The following DOCK10 variants were observed in gnomAD, a reference collection of about 807,000 sequenced individuals.
The protein encoded by DOCK10 is dedicator of cytokinesis 10, also known as dedicator of cytokinesis protein 10.
In DOCK10, 145 loss-of-function variants were observed where a neutral mutation model predicts 280.1. The ratio of observed to expected loss-of-function variants is 0.52; its 90% CI spans 0.45 to 0.59. DOCK10 has a LOEUF of 0.59. Ranked by LOEUF, DOCK10 falls within the 20% of genes least tolerant of loss-of-function variation. DOCK10 has a pLI of 0.00. For synonymous variants in DOCK10, 915 were observed against 942.2 expected, an observed-to-expected ratio of 0.97 and a Z score of 0.53; for missense variants, 2,368 against 2,651.7, an observed-to-expected ratio of 0.89 and a Z score of 2.35.
intron 48 of DOCK10, 55 bp downstream of exon 48, chr2:224,789,009 C>G (rs1035280425): frequency 4.6e-6 from 5 of 1,095,992 alleles, no homozygotes; most frequent in Non-Finnish European, 6.8e-6. Context: ...CTTAATGTCA[C>G]AAGCCAATGC....
At chr2:224,769,040 C>T (rs1414465353) in intron 55 of DOCK10, 8 of 410,080 alleles carry the variant, frequency 2.0e-5, no homozygotes, top group Non-Finnish European at 2.9e-5. Flanking sequence ...ACCACCTTCC[C>T]GAACTTTCAG....
intron 1 of DOCK10, among the ~76,000 whole-genome samples, chr2:224,952,592 A>AT (rs869058280): frequency 0.031 from 4,469 of 143,492 alleles, 227 homozygotes; most frequent in African/African-American, 0.1. Context: ...CAATTATGTT[A>AT]TTTTTTTTTT....
chr2:224,992,349 A>G (rs1706150776), intron 1 of DOCK10, among the ~76,000 whole-genome samples: 1 of 152,220 alleles, frequency 6.6e-6, no homozygotes. Flanking sequence ...GCAGTCTTTA[A>G]AGTCATTTAC....
chr2:225,041,445 C>T (rs915826467), intron 1 of DOCK10, among the ~76,000 whole-genome samples: 2 of 152,188 alleles, frequency 1.3e-5, no homozygotes, highest in African/African-American at 4.8e-5. Context: ...AACGCAGGAA[C>T]ATCTGGGTTG....
intron 1 of DOCK10, among the ~76,000 whole-genome samples, chr2:225,035,564 A>ATTATAT: frequency 3.6e-5 from 2 of 55,656 alleles, no homozygotes; most frequent in Middle Eastern, 9.1e-3. Flanking sequence ...ATATATATAT[A>ATTATAT]TATATATATA....
intron 1 of DOCK10, among the ~76,000 whole-genome samples, chr2:225,029,824 T>A (rs1690027594): frequency 6.6e-6 from 1 of 152,028 alleles, no homozygotes; most frequent in Non-Finnish European, 1.5e-5. Context: ...ACTATTATTG[T>A]AATAAAACTC....
chr2:224,807,095 T>A (rs1388756938), intron 33 of DOCK10: 1 of 152,160 alleles, frequency 6.6e-6, no homozygotes, highest in Non-Finnish European at 1.5e-5. Context: ...CTGATACTGC[T>A]GGGATTTGAA....
chr2:225,030,275 ACT>A (rs1375215377), intron 1 of DOCK10, among the ~76,000 whole-genome samples: 1 of 151,986 alleles, frequency 6.6e-6, no homozygotes, highest in Non-Finnish European at 1.5e-5. Context: ...TGTCATGAAA[ACT>A]CTCTAACATC....
At chr2:224,909,445 A>C (rs888170258) in intron 3 of DOCK10, among the ~76,000 whole-genome samples, 8 of 152,210 alleles carry the variant, frequency 5.3e-5, no homozygotes, top group South Asian at 4.1e-4. Flanking sequence ...TCCCTATTTA[A>C]AGATGGAAAA....
At chr2:224,785,312 T>G (rs1454896214) in intron 50 of DOCK10, among the ~76,000 whole-genome samples, 1 of 152,054 alleles carries the variant, frequency 6.6e-6, no homozygotes, top group Non-Finnish European at 1.5e-5. Flanking sequence ...TGGTATAGAT[T>G]GTTTATGCAG....
chr2:224,983,986 A>C (rs565498259), intron 1 of DOCK10, among the ~76,000 whole-genome samples: 22 of 152,234 alleles, frequency 1.4e-4, no homozygotes, highest in African/African-American at 4.1e-4. Flanking sequence ...TTGAATATCT[A>C]TATCTAATGG....
chr2:224,894,653 G>A lies in DOCK10; in HGVS notation c.416+1642C>T, dbSNP rs1046093843. ...ACCTTCCCAACATGAAGTTGCAAGAGCTTGTCTATCAGCAGGGATTCAAGT... is the reference window on the plus strand; with the variant it reads ...ACCTTCCCAACATGAAGTTGCAAGAACTTGTCTATCAGCAGGGATTCAAGT... On this transcript the variant is annotated intron_variant, in intron 4 of 55. Transcript: ENST00000258390. 3.9e-5 allele frequency among the ~76,000 whole-genome samples: 6 copies of A among 152,324 alleles called. No individual in the cohort carries two copies. The East Asian group carries it at 1.2e-3, about 29-fold the overall frequency.
intron 2 of DOCK10, among the ~76,000 whole-genome samples, chr2:224,928,363 T>C (rs1432428443): frequency 1.3e-5 from 2 of 152,204 alleles, no homozygotes; most frequent in African/African-American, 4.8e-5. Context: ...TGACAAGAGG[T>C]CAAGGAATGG....
rs768359367 is a variant in DOCK10 at position 224,795,023 on chromosome 2, C to T, written c.5010G>A (p.Gln1670=). The change falls in exon 45 of 56, where the codon CAG becomes CAA. Residue 1670 remains glutamine, a synonymous_variant. Transcript: ENST00000258390. ...CGGGGTCCTTCTCGTGCTCCTTCAT[C>T]TGAGCTGTGGCCATCAAAACAGTCC... The part of the protein sequence containing the change: ...RIRTVLMATA[Q]MKEHEKDPEM... The T allele has an allele frequency of 6.2e-7, 1 of 1,613,968 alleles. No homozygotes were observed.
chr2:224,852,369 T>G lies in DOCK10; in HGVS notation c.2142+8A>C, dbSNP rs1323893188. On this transcript the variant is annotated splice_region_variant and intron_variant, in intron 18 of 55. Transcript: ENST00000258390. Reference sequence around the variant, plus strand: ...TTTATGCTGGGTCCCTTTGCTGACTTGGCTCACCTTCAGGGGCTTGGCACT... The same window carrying G: ...TTTATGCTGGGTCCCTTTGCTGACTGGGCTCACCTTCAGGGGCTTGGCACT... The G allele has an allele frequency of 6.4e-7, 1 of 1,566,582 alleles. No individual in the cohort carries two copies. The highest frequency in any genetic ancestry group is 1.2e-5 in the South Asian group (1 of 84,924).
At chr2:224,961,241 A>G (rs1704365272) in intron 1 of DOCK10, among the ~76,000 whole-genome samples, 1 of 152,186 alleles carries the variant, frequency 6.6e-6, no homozygotes, top group Non-Finnish European at 1.5e-5. Context: ...GAGATTTACA[A>G]TGGCAACTAA....
intron 2 of DOCK10, 131 bp downstream of exon 2, chr2:224,931,418 A>ACT (rs1472029291): frequency 9.7e-7 from 1 of 1,031,918 alleles, no homozygotes; most frequent in African/African-American, 1.6e-5. Flanking sequence ...TAGGATGTGA[A>ACT]CTCCTGCTGC....
At chr2:225,021,602 C>T (rs1026274448) in intron 1 of DOCK10, among the ~76,000 whole-genome samples, 1 of 152,198 alleles carries the variant, frequency 6.6e-6, no homozygotes, top group Non-Finnish European at 1.5e-5. Flanking sequence ...TGAGTACTTG[C>T]AGCAGGTTCC....
intron 1 of DOCK10, among the ~76,000 whole-genome samples, chr2:224,969,211 A>C (rs910148938): frequency 6.6e-6 from 1 of 152,040 alleles, no homozygotes; most frequent in Non-Finnish European, 1.5e-5. Context: ...TTACTTTTTA[A>C]CTCACTCAGT....
Sources: gnomAD v4.1 joint callset for allele counts (sites outside exome capture counted in the v4.1 genomes callset) on GRCh38, gnomAD v4.1.1 for gene constraint, MANE v1.5 for transcripts, NCBI Gene and HGNC (gene_info 2026-07-23, HGNC 2026-07-21) for gene names.